SUGCT: variants seen among roughly 807,000 people sequenced by gnomAD.
SUGCT encodes the protein succinyl-CoA:glutarate CoA-transferase.
A neutral mutation model predicts 55.0 loss-of-function variants in SUGCT; 41 were observed. The ratio of observed to expected loss-of-function variants is 0.74; its 90% CI spans 0.58 to 0.97. The LOEUF is 0.97. Ranked by LOEUF, SUGCT falls within the 50% of genes least tolerant of loss-of-function variation. SUGCT has a pLI of 0.00. For missense variants in SUGCT, 568 were observed against 547.8 expected, an observed-to-expected ratio of 1.04 and a Z score of -0.37; for synonymous variants, 187 against 200.4, an observed-to-expected ratio of 0.93 and a Z score of 0.56.
At chr7:40,886,727 C>A in the SUGCT span, among the ~76,000 whole-genome samples, 1 of 152,202 alleles carries the variant, frequency 6.6e-6, no homozygotes, top group African/African-American at 2.4e-5. Flanking sequence ...TTAACTCCAA[C>A]AGGCAAGATA....
chr7:40,651,395 A>G (rs374580284), intron 12 of SUGCT, among the ~76,000 whole-genome samples: 2 of 149,592 alleles, frequency 1.3e-5, no homozygotes, highest in South Asian at 2.1e-4. Flanking sequence ...TCTTCTTTTG[A>G]GAAGTGTCTG....
chr7:40,378,085 G>T (rs1033414369), intron 9 of SUGCT, among the ~76,000 whole-genome samples: 20 of 150,566 alleles, frequency 1.3e-4, no homozygotes, highest in African/African-American at 4.2e-4. Flanking sequence ...CCACCTTGGA[G>T]TTAATTGAGC....
chr7:40,257,725 A>G (rs1584484670), intron 7 of SUGCT, among the ~76,000 whole-genome samples: 1 of 152,146 alleles, frequency 6.6e-6, no homozygotes. Context: ...AAATACAAAA[A>G]TTAGCCGGGC....
intron 9 of SUGCT, among the ~76,000 whole-genome samples, chr7:40,352,983 A>G (rs1797710937): frequency 6.6e-6 from 1 of 152,192 alleles, no homozygotes; most frequent in Non-Finnish European, 1.5e-5. Flanking sequence ...CTGGTGTGAG[A>G]TGGTAACTCA....
the SUGCT span, among the ~76,000 whole-genome samples, chr7:40,989,038 G>T: frequency 6.6e-6 from 1 of 151,370 alleles, no homozygotes; most frequent in African/African-American, 2.4e-5. Flanking sequence ...CTATACTGTA[G>T]TATATTAATT....
chr7:40,496,335 A>G lies in SUGCT; in HGVS notation c.1038A>G (p.Gly346=). ...SKWLYLFEGS[G]VPYGPINNMK... ...GGTTATATCTTTTTGAAGGCAGTGG[A>G]GTCCCGTATGGCCCAATCAACAACA... Residue 346 remains glycine, a synonymous_variant, in exon 12 of 14, where the codon GGA becomes GGG. Transcript: ENST00000335693. 6.2e-7 allele frequency: 1 copy of G among 1,613,352 alleles called. No individual in the cohort carries two copies. Among genetic ancestry groups the G allele is most frequent in the East Asian group, 2.2e-5 (1 of 44,812 alleles).
chr7:40,873,726 G>A, the SUGCT span, among the ~76,000 whole-genome samples: 1 of 152,192 alleles, frequency 6.6e-6, no homozygotes, highest in African/African-American at 2.4e-5. Context: ...CATTGTTGAA[G>A]ATTTTGTGTT....
intron 12 of SUGCT, among the ~76,000 whole-genome samples, chr7:40,650,893 C>T (rs867551221): frequency 8.5e-5 from 13 of 152,108 alleles, no homozygotes; most frequent in African/African-American, 3.1e-4. Flanking sequence ...CAATAGGCAG[C>T]AGTGTGTGTT....
chr7:40,672,313 A>G (rs970848913), intron 12 of SUGCT, among the ~76,000 whole-genome samples: 1 of 152,204 alleles, frequency 6.6e-6, no homozygotes, highest in Non-Finnish European at 1.5e-5. Context: ...GAATTTCATC[A>G]AAATTAAGAA....
chr7:40,904,595 G>A, the SUGCT span, among the ~76,000 whole-genome samples: 1 of 152,154 alleles, frequency 6.6e-6, no homozygotes, highest in Non-Finnish European at 1.5e-5. Context: ...TTCATTGTGA[G>A]AATATGAAAA....
intron 9 of SUGCT, among the ~76,000 whole-genome samples, chr7:40,426,341 A>G (rs1787585894): frequency 6.6e-6 from 1 of 152,200 alleles, no homozygotes; most frequent in African/African-American, 2.4e-5. Flanking sequence ...TCAGCTGGAT[A>G]TATCTCAGAC....
At chr7:40,908,411 T>C in the SUGCT span, among the ~76,000 whole-genome samples, 7,694 of 144,038 alleles carry the variant, frequency 0.053, 298 homozygotes, top group South Asian at 0.17. Flanking sequence ...GGACCACAAG[T>C]AGATGAAGTT....
At chr7:40,913,262 G>A in the SUGCT span, among the ~76,000 whole-genome samples, 1 of 152,004 alleles carries the variant, frequency 6.6e-6, no homozygotes, top group African/African-American at 2.4e-5. Flanking sequence ...TAAGCAGTGG[G>A]GCTCAGGACA....
intron 1 of SUGCT, among the ~76,000 whole-genome samples, chr7:40,160,968 A>G (rs1383345130): frequency 6.6e-6 from 1 of 151,988 alleles, no homozygotes; most frequent in African/African-American, 2.4e-5. Flanking sequence ...TTTTTGGTGG[A>G]CGGTTTGATA....
chr7:40,665,724 G>A lies in SUGCT; in HGVS notation c.1090-83710G>A, dbSNP rs1209234622. 3.3e-5 allele frequency among the ~76,000 whole-genome samples: 5 copies of A among 152,070 alleles called. No individual in the cohort carries two copies. The South Asian group carries it at 8.3e-4, about 25-fold the overall frequency. Reference sequence around the variant, plus strand: ...AGCAGGTTGAGGAGTGGGGATTGGGGAACGGAGGCAGTGAGTGAAGACAAG... The same window carrying A: ...AGCAGGTTGAGGAGTGGGGATTGGGAAACGGAGGCAGTGAGTGAAGACAAG... On this transcript the variant is annotated intron_variant, in intron 12 of 13. Coordinates refer to ENST00000335693, the MANE Select transcript of SUGCT (RefSeq NM_001193313.2).
chr7:40,518,819 G>T (rs1229635010), intron 12 of SUGCT, among the ~76,000 whole-genome samples: 1 of 151,846 alleles, frequency 6.6e-6, no homozygotes, highest in African/African-American at 2.4e-5. Context: ...GCCAAAGTTA[G>T]ATCAAATTTC....
chr7:40,358,526 A>G (rs1797986625), intron 9 of SUGCT, among the ~76,000 whole-genome samples: 2 of 152,176 alleles, frequency 1.3e-5, no homozygotes, highest in Admixed American at 1.3e-4. Context: ...TAGCCTGGCC[A>G]ACATGGTGAA....
At chr7:40,914,063 T>G in the SUGCT span, among the ~76,000 whole-genome samples, 3 of 103,234 alleles carry the variant, frequency 2.9e-5, no homozygotes, top group Non-Finnish European at 5.9e-5. Context: ...TTTTTTTCAG[T>G]TTTTTTTTTT....
At chr7:40,729,115 C>G (rs1786758432) in intron 12 of SUGCT, among the ~76,000 whole-genome samples, 1 of 152,144 alleles carries the variant, frequency 6.6e-6, no homozygotes, top group Admixed American at 6.5e-5. Context: ...AAATGAAATT[C>G]ATTAATATTT....
Sources: gnomAD v4.1 joint callset for allele counts (sites outside exome capture counted in the v4.1 genomes callset) on GRCh38, gnomAD v4.1.1 for gene constraint, MANE v1.5 for transcripts, NCBI Gene and HGNC (gene_info 2026-07-23, HGNC 2026-07-21) for gene names.